Variants in SPATC1L observed in about 807,000 individuals in gnomAD.
SPATC1L encodes the protein speriolin-like protein.
In SPATC1L, 20 loss-of-function variants were observed where a neutral mutation model predicts 21.2. The observed-to-expected ratio is 0.94, with a 90% confidence interval of 0.66 to 1.37. The LOEUF is 1.37. SPATC1L is among the 40% of genes most tolerant of loss of function. The pLI is 0.00. For missense variants in SPATC1L, 499 were observed against 478.7 expected (o/e 1.04, Z -0.40); for synonymous variants, 290 against 234.5 (o/e 1.24, Z -2.16).
intron 2 of SPATC1L, among the ~76,000 whole-genome samples, chr21:46,173,792 C>T (rs1372802794): frequency 6.6e-6 from 1 of 152,142 alleles, no homozygotes; most frequent in African/African-American, 2.4e-5. Context: ...TGGTGAACCC[C>T]CACAGGAAGG....
intron 2 of SPATC1L, among the ~76,000 whole-genome samples, chr21:46,179,812 G>A (rs2079658973): frequency 6.6e-6 from 1 of 152,252 alleles, no homozygotes; most frequent in African/African-American, 2.4e-5. Context: ...GAGACGAGAT[G>A]GGGCAGCTGG....
intron 3 of SPATC1L, among the ~76,000 whole-genome samples, chr21:46,164,005 G>T (rs963619441): frequency 5.3e-5 from 8 of 151,912 alleles, no homozygotes; most frequent in East Asian, 3.9e-4. Context: ...TTTATTTATT[G>T]TTTGTTTGTT....
intron 2 of SPATC1L, among the ~76,000 whole-genome samples, chr21:46,182,226 A>AC (rs767964404): frequency 2.6e-4 from 39 of 151,810 alleles, no homozygotes; most frequent in Non-Finnish European, 5.3e-4. Context: ...CTGGTCTGAC[A>AC]CCCCCCTCGC....
In SPATC1L at chr21:46,161,898, C is replaced by T; in HGVS notation, c.696+18G>A. The T allele has an allele frequency of 1.9e-6, 3 of 1,602,510 alleles. No homozygotes were observed. The highest frequency in any genetic ancestry group is 2.5e-6 in the Non-Finnish European group (3 of 1,178,676). On this transcript the variant is annotated intron_variant, in intron 4 of 4. Transcript: ENST00000291672. ...GCGCCCCGCACCCTCCTGGCCGCGC[C>T]CTCCCCACGGGGCGCACCTGCTCGA...
In SPATC1L at chr21:46,168,448, G is replaced by C; in HGVS notation, c.404C>G (p.Pro135Arg). ...TGAGTCTTGCAAGGGGCTCAGGAGC[G>C]GGGACAGCTTCCTGTCGGTGCCTCG... ...SHRGTDRKLSPLLSPLQDSLV... is the reference protein window; with the variant it reads ...SHRGTDRKLSRLLSPLQDSLV... The change falls in exon 3 of 5, where the codon CCG becomes CGG. Residue 135 changes from proline to arginine, a missense_variant. Physicochemically the swap from Pro to Arg is moderately radical, Grantham distance 103. Coordinates refer to ENST00000291672, the MANE Select transcript of SPATC1L (RefSeq NM_001142854.2). The C allele has an allele frequency of 6.2e-7, 1 of 1,605,706 alleles. No homozygotes were observed. Among genetic ancestry groups the C allele is most frequent in the Non-Finnish European group, 8.5e-7 (1 of 1,175,838 alleles).
chr21:46,181,431 G>A (rs62215187), intron 2 of SPATC1L, among the ~76,000 whole-genome samples: 8,993 of 152,256 alleles, frequency 0.059, 375 homozygotes, highest in Non-Finnish European at 0.093. Flanking sequence ...AGAGACCAAA[G>A]GTGTGGGGAC....
rs773844866 is a variant in SPATC1L, at chr21:46,182,630, T to C, written c.187A>G (p.Ser63Gly). The change falls in exon 2 of 5, where the codon AGC becomes GGC. Residue 63 changes from serine to glycine, a missense_variant. Coordinates refer to ENST00000291672, the MANE Select transcript of SPATC1L (RefSeq NM_001142854.2). ...GAGCTGGGCGGCGCCTCACCTCCGC[T>C]CCCGGGGGAGCCGGCCTCAGGGTAG... Reference protein sequence around the residue: ...HAYPEAGSPGSGVPDFGRFTS... With the variant: ...HAYPEAGSPGGGVPDFGRFTS... 104 of 1,510,376 alleles carry C rather than the reference T, an allele frequency of 6.9e-5. No homozygotes were observed. The highest frequency in any genetic ancestry group is 8.7e-5 in the Non-Finnish European group (98 of 1,130,082). 93.6% of individuals were successfully genotyped at this position (1,510,376 alleles called of 1,614,324 possible).
chr21:46,181,708 T>C (rs955452264), intron 2 of SPATC1L, among the ~76,000 whole-genome samples: 38 of 152,238 alleles, frequency 2.5e-4, no homozygotes, highest in African/African-American at 8.4e-4. Flanking sequence ...ACAGCAGTGT[T>C]CACGGGCACT....
chr21:46,181,374 G>A (rs1035195506), intron 2 of SPATC1L, among the ~76,000 whole-genome samples: 51 of 152,298 alleles, frequency 3.3e-4, no homozygotes, highest in Admixed American at 6.5e-5. Context: ...ACATCCTGGC[G>A]AGGTGCTCTC....
intron 2 of SPATC1L, among the ~76,000 whole-genome samples, chr21:46,176,681 TATC>T (rs1177500677): frequency 6.6e-6 from 1 of 152,186 alleles, no homozygotes; most frequent in Non-Finnish European, 1.5e-5. Context: ...GAAGAATCAA[TATC>T]ATAAAAATGG....
chr21:46,162,171 C>G, intron 3 of SPATC1L, 104 bp from the exon 4 acceptor site: 1 of 1,280,490 alleles, frequency 7.8e-7, no homozygotes. Flanking sequence ...CCCCCCTCCT[C>G]CCACCTGCCG....
chr21:46,171,393 C>T (rs2079588862), intron 2 of SPATC1L, among the ~76,000 whole-genome samples: 1 of 147,090 alleles, frequency 6.8e-6, no homozygotes, highest in Non-Finnish European at 1.5e-5. Context: ...CGTGCCACTG[C>T]AATCCAGCCT....
In SPATC1L at chr21:46,168,551, C is replaced by T. The variant is rs77889636; in HGVS notation, c.301G>A (p.Asp101Asn). 15,926 of 1,503,606 alleles carry T rather than the reference C, an allele frequency of 0.011. 1,167 individuals are homozygous for T. In the African/African-American group the frequency reaches 0.18, roughly 17 times the overall value. The allele number at this position is 1,503,606 out of a possible 1,614,324, so 93.1% of individuals were successfully genotyped here. Residue 101 changes from aspartate (D) to asparagine (N), a missense_variant, in exon 3 of 5, where the codon GAC becomes AAC. Coordinates refer to ENST00000291672, the MANE Select transcript of SPATC1L (RefSeq NM_001142854.2). ...CSHAPLSSED[D>N]TSPGCAAPSQ... is the part of the protein sequence containing the mutation. ...GGGGCTGCACAGCCCGGGGAGGTGT[C>T]GTCCTCGCTGGACAGGGGGGCATGT...
chr21:46,171,223 G>T (rs372395589), intron 2 of SPATC1L, among the ~76,000 whole-genome samples: 1 of 152,200 alleles, frequency 6.6e-6, no homozygotes, highest in Non-Finnish European at 1.5e-5. Context: ...GCCAAATTTA[G>T]CTTATCTATG....
chr21:46,162,962 C>G (rs1447720107), intron 3 of SPATC1L, among the ~76,000 whole-genome samples: 1 of 151,466 alleles, frequency 6.6e-6, no homozygotes. Context: ...TGCTTCCGAA[C>G]CCCCCTCCCC....
chr21:46,161,472 CACGTCGATG>C lies in SPATC1L; in HGVS notation c.921_929del (p.Ile308_Val310del), dbSNP rs756622846. On this transcript the variant is annotated inframe_deletion, in exon 5 of 5. Coordinates refer to ENST00000291672, the MANE Select transcript of SPATC1L (RefSeq NM_001142854.2). ...AGTCGCCCAGGAACTTGGGGGGCAC[CACGTCGATG>C]ACCAGCTTGCGCAGCGCGGCCGGGC... is the stretch of plus-strand genomic sequence containing the variant. The C allele has an allele frequency of 2.6e-5, 41 of 1,597,956 alleles. No individual in the cohort carries two copies. In the Middle Eastern group the frequency reaches 1.2e-3, roughly 45 times the overall value.
chr21:46,165,115 T>G (rs920293859), intron 3 of SPATC1L, among the ~76,000 whole-genome samples: 2 of 152,232 alleles, frequency 1.3e-5, no homozygotes, highest in Admixed American at 6.5e-5. Context: ...AATGACTTTA[T>G]GCCAATAAAT....
At chr21:46,169,345 ATGG>A (rs2079565610) in intron 2 of SPATC1L, among the ~76,000 whole-genome samples, 2 of 125,184 alleles carry the variant, frequency 1.6e-5, no homozygotes, top group East Asian at 4.3e-4. Flanking sequence ...TCCTCTGTGG[ATGG>A]GGAGGAGCCC....
At chr21:46,176,614 C>T (rs1309137890) in intron 2 of SPATC1L, among the ~76,000 whole-genome samples, 1 of 152,272 alleles carries the variant, frequency 6.6e-6, no homozygotes, top group East Asian at 1.9e-4. Flanking sequence ...CTACAAAACA[C>T]TGCTCAAAGA....
Sources: allele counts gnomAD v4.1 joint callset (sites outside exome capture counted in the v4.1 genomes callset), GRCh38; gene constraint gnomAD v4.1.1; transcripts MANE v1.5; gene names NCBI Gene and HGNC (gene_info 2026-07-23, HGNC 2026-07-21).